Variants in TOX observed in about 807,000 individuals in gnomAD.
TOX encodes thymocyte selection associated high mobility group box, also known as thymocyte selection-associated high mobility group box protein TOX.
TOX carries 11 observed loss-of-function variants against 53.7 expected under a neutral mutation model. The ratio of observed to expected loss-of-function variants is 0.20; its 90% CI spans 0.13 to 0.34. The LOEUF is 0.34. TOX is among the 10% of genes least tolerant of loss of function. The pLI, the probability that TOX is intolerant of heterozygous loss-of-function variation, is 1.00. For synonymous variants in TOX, 225 were observed against 245.3 expected (o/e 0.92, Z 0.77); for missense variants, 570 against 664.6 (o/e 0.86, Z 1.56).
At chr8:59,045,947 A>G (rs1803673942) in intron 1 of TOX, among the ~76,000 whole-genome samples, 1 of 152,314 alleles carries the variant, frequency 6.6e-6, no homozygotes, top group East Asian at 1.9e-4. Context: ...TGTGGCACCA[A>G]CAAAGTCACT....
chr8:58,841,349 C>T (rs1282913632), intron 4 of TOX, among the ~76,000 whole-genome samples: 3 of 152,270 alleles, frequency 2.0e-5, no homozygotes, highest in South Asian at 2.1e-4. Context: ...CCCACTAGCA[C>T]GTATCATGGT....
chr8:58,876,945 T>C (rs1184464577), intron 3 of TOX, among the ~76,000 whole-genome samples: 1 of 152,198 alleles, frequency 6.6e-6, no homozygotes, highest in Non-Finnish European at 1.5e-5. Flanking sequence ...CCCTTCAGTA[T>C]ATTATATTTT....
At chr8:58,829,809 T>C (rs560400243) in intron 5 of TOX, among the ~76,000 whole-genome samples, 1 of 152,090 alleles carries the variant, frequency 6.6e-6, no homozygotes, top group South Asian at 2.1e-4. Context: ...CACATGCAGG[T>C]GAAGTAGGGG....
At chr8:58,950,543 C>G (rs1812604395) in intron 2 of TOX, among the ~76,000 whole-genome samples, 1 of 152,138 alleles carries the variant, frequency 6.6e-6, no homozygotes, top group Non-Finnish European at 1.5e-5. Flanking sequence ...ATCTCACTTG[C>G]TAGATCTTTC....
At chr8:59,114,650 G>C (rs768683317) in intron 1 of TOX, among the ~76,000 whole-genome samples, 2 of 152,104 alleles carry the variant, frequency 1.3e-5, no homozygotes, top group Admixed American at 6.5e-5. Flanking sequence ...AATCAAGCAT[G>C]ATGCTCTAAA....
chr8:58,834,922 C>G (rs1810521814), intron 5 of TOX, among the ~76,000 whole-genome samples: 1 of 152,150 alleles, frequency 6.6e-6, no homozygotes, highest in South Asian at 2.1e-4. Flanking sequence ...GTCAAAGGAG[C>G]ATACAGCATG....
At chr8:58,895,668 C>T (rs1196282316) in intron 3 of TOX, among the ~76,000 whole-genome samples, 2 of 152,146 alleles carry the variant, frequency 1.3e-5, no homozygotes, top group African/African-American at 2.4e-5. Context: ...TCTGTGTTGG[C>T]GTCATAGGCT....
chr8:58,906,708 G>T (rs540214600), intron 3 of TOX, among the ~76,000 whole-genome samples: 1 of 152,022 alleles, frequency 6.6e-6, no homozygotes, highest in Non-Finnish European at 1.5e-5. Context: ...TTTTATAAAC[G>T]CTACATTTTT....
At chr8:59,083,802 C>A (rs989429490) in intron 1 of TOX, among the ~76,000 whole-genome samples, 1 of 152,132 alleles carries the variant, frequency 6.6e-6, no homozygotes, top group African/African-American at 2.4e-5. Context: ...GGCTAAAATG[C>A]TGTAGAAATT....
chr8:58,856,241 T>C (rs1810913867), intron 3 of TOX, among the ~76,000 whole-genome samples: 1 of 152,224 alleles, frequency 6.6e-6, no homozygotes, highest in Admixed American at 6.5e-5. Flanking sequence ...TATTCTGAAT[T>C]GCCAAAGCAT....
At chr8:58,820,951 T>C (rs904148362) in intron 6 of TOX, among the ~76,000 whole-genome samples, 2 of 152,166 alleles carry the variant, frequency 1.3e-5, no homozygotes, top group Non-Finnish European at 2.9e-5. Flanking sequence ...AATTCCCGAG[T>C]CTATGGAAAA....
chr8:58,980,269 C>T (rs948625023), intron 1 of TOX, among the ~76,000 whole-genome samples: 1 of 152,178 alleles, frequency 6.6e-6, no homozygotes, highest in African/African-American at 2.4e-5. Flanking sequence ...TCTCTCCCCT[C>T]TCCCACTGTA....
At chr8:58,989,954 C>T (rs1231739884) in intron 1 of TOX, among the ~76,000 whole-genome samples, 1 of 152,178 alleles carries the variant, frequency 6.6e-6, no homozygotes, top group African/African-American at 2.4e-5. Context: ...TTGGGTCAAT[C>T]GGAATCACTC....
At chr8:58,973,148 G>A (rs1252744056) in intron 1 of TOX, among the ~76,000 whole-genome samples, 1 of 152,120 alleles carries the variant, frequency 6.6e-6, no homozygotes, top group Non-Finnish European at 1.5e-5. Flanking sequence ...TCCTCAGAAA[G>A]TGATATAGTA....
intron 6 of TOX, among the ~76,000 whole-genome samples, chr8:58,819,982 A>G (rs537002545): frequency 1.1e-4 from 16 of 152,302 alleles, no homozygotes; most frequent in African/African-American, 3.8e-4. Context: ...TGATTAACTT[A>G]TACCCTGAAG....
At chr8:58,962,676 C>T (rs1034752779) in intron 1 of TOX, among the ~76,000 whole-genome samples, 16 of 152,142 alleles carry the variant, frequency 1.1e-4, no homozygotes, top group African/African-American at 3.9e-4. Flanking sequence ...TGTGGTGGCA[C>T]ATGTCTGTGG....
intron 3 of TOX, among the ~76,000 whole-genome samples, chr8:58,897,471 G>A (rs972230098): frequency 2.6e-5 from 4 of 152,254 alleles, no homozygotes; most frequent in East Asian, 1.9e-4. Flanking sequence ...GGCATGACAG[G>A]AACTCATTGT....
At chr8:58,985,439 C>T (rs1320362459) in intron 1 of TOX, among the ~76,000 whole-genome samples, 1 of 152,028 alleles carries the variant, frequency 6.6e-6, no homozygotes, top group African/African-American at 2.4e-5. Context: ...GCATGAGGCA[C>T]CTAGAGTAGT....
intron 1 of TOX, among the ~76,000 whole-genome samples, chr8:58,962,929 T>C (rs1812826385): frequency 6.6e-6 from 1 of 152,180 alleles, no homozygotes; most frequent in South Asian, 2.1e-4. Flanking sequence ...GGTGTGTCCA[T>C]GAGGGTGTTT....
Sources: allele counts gnomAD v4.1 joint callset (sites outside exome capture counted in the v4.1 genomes callset), GRCh38; gene constraint gnomAD v4.1.1; transcripts MANE v1.5; gene names NCBI Gene and HGNC (gene_info 2026-07-23, HGNC 2026-07-21).